PTPN3: variants seen among roughly 807,000 people sequenced by gnomAD.
PTPN3 encodes protein tyrosine phosphatase non-receptor type 3.
In PTPN3, 96 loss-of-function variants were observed where a neutral mutation model predicts 132.7. That is an observed-to-expected ratio of 0.72 (90% CI 0.61 to 0.86). PTPN3 has a LOEUF of 0.86. Ranked by LOEUF, PTPN3 falls within the 40% of genes least tolerant of loss-of-function variation. The pLI, the probability that PTPN3 is intolerant of heterozygous loss-of-function variation, is 0.00. For synonymous variants in PTPN3, 398 were observed against 429.0 expected, an observed-to-expected ratio of 0.93 and a Z score of 0.89; for missense variants, 1,125 against 1,159.6, an observed-to-expected ratio of 0.97 and a Z score of 0.43.
the PTPN3 span, among the ~76,000 whole-genome samples, chr9:109,512,889 C>T: frequency 6.6e-6 from 1 of 152,210 alleles, no homozygotes; most frequent in East Asian, 1.9e-4. Context: ...TTCCCCTGGT[C>T]CTTTTCCCTC....
At chr9:109,536,627 A>C in the PTPN3 span, among the ~76,000 whole-genome samples, 1 of 152,206 alleles carries the variant, frequency 6.6e-6, no homozygotes, top group African/African-American at 2.4e-5. Context: ...GATGGGTTAC[A>C]CACAGCTTTA....
chr9:109,450,430 T>C (rs955410366), intron 5 of PTPN3: 9 of 984,218 alleles, frequency 9.1e-6, no homozygotes, highest in South Asian at 9.4e-5. Context: ...CGGGCTTTCA[T>C]TGACAAGCTC....
chr9:109,417,787 A>G (rs1231713798), intron 14 of PTPN3: 2 of 985,234 alleles, frequency 2.0e-6, no homozygotes, highest in African/African-American at 3.5e-5. Flanking sequence ...TGCACCTGGT[A>G]AAACCCCACA....
intron 19 of PTPN3, among the ~76,000 whole-genome samples, chr9:109,393,545 C>T (rs114103648): frequency 4.6e-5 from 7 of 151,860 alleles, no homozygotes; most frequent in African/African-American, 1.7e-4. Flanking sequence ...CATCACCACA[C>T]CTGCTTAATT....
chr9:109,447,765 C>A (rs1040327374), intron 6 of PTPN3, among the ~76,000 whole-genome samples: 16 of 152,194 alleles, frequency 1.1e-4, no homozygotes, highest in Admixed American at 5.2e-4. Flanking sequence ...CCAGTCTTCC[C>A]TTGTGCACAA....
the PTPN3 span, among the ~76,000 whole-genome samples, chr9:109,506,133 C>T: frequency 6.6e-6 from 1 of 152,284 alleles, no homozygotes; most frequent in African/African-American, 2.4e-5. Flanking sequence ...GGGCATGCCC[C>T]AACCACATAT....
intron 1 of PTPN3, among the ~76,000 whole-genome samples, chr9:109,474,153 C>T (rs1846521396): frequency 6.6e-6 from 1 of 152,100 alleles, no homozygotes; most frequent in Non-Finnish European, 1.5e-5. Flanking sequence ...GCCAGCAAAC[C>T]TGCCTCCTGG....
At chr9:109,404,825 G>C (rs1841428789) in intron 18 of PTPN3, among the ~76,000 whole-genome samples, 1 of 152,116 alleles carries the variant, frequency 6.6e-6, no homozygotes, top group Non-Finnish European at 1.5e-5. Context: ...TAATCTTCCT[G>C]GTTAGTTTTA....
At chr9:109,406,365 A>G in intron 18 of PTPN3, 97 bp downstream of exon 18, 1 of 1,382,608 alleles carries the variant, frequency 7.2e-7, no homozygotes, top group Non-Finnish European at 9.9e-7. Context: ...AATGTTGGCT[A>G]CAAACTCAAC....
intron 14 of PTPN3, among the ~76,000 whole-genome samples, chr9:109,416,135 T>C (rs1842468484): frequency 6.6e-6 from 1 of 152,116 alleles, no homozygotes. Flanking sequence ...ACATTGGAAT[T>C]GTCTATCTTA....
rs552771158 is a variant in PTPN3 at position 109,386,246 on chromosome 9, G to A, written c.2254-2695C>T. ...GGAAAAGGGAGGAAATATGCACCCT[G>A]GATTTCAGAAGAACAGGATTCTAAC... On this transcript the variant is annotated intron_variant, in intron 22 of 25. Coordinates refer to ENST00000374541, the MANE Select transcript of PTPN3 (RefSeq NM_002829.4). Among the ~76,000 whole-genome samples the A allele has an allele frequency of 9.9e-5, 15 of 152,246 alleles. No homozygotes were observed. In the South Asian group the frequency reaches 3.1e-3, roughly 32 times the overall value.
chr9:109,487,759 G>T (rs1847278180), intron 1 of PTPN3, among the ~76,000 whole-genome samples: 1 of 152,210 alleles, frequency 6.6e-6, no homozygotes, highest in Admixed American at 6.5e-5. Flanking sequence ...TATAGTCAGA[G>T]AAATGCCAAA....
At chr9:109,493,656 T>C (rs925614055) in intron 1 of PTPN3, among the ~76,000 whole-genome samples, 1 of 152,206 alleles carries the variant, frequency 6.6e-6, no homozygotes, top group East Asian at 1.9e-4. Flanking sequence ...ACACATTCTT[T>C]TTTCACACTA....
chr9:109,477,880 A>C (rs1013837079), intron 1 of PTPN3, among the ~76,000 whole-genome samples: 1 of 152,242 alleles, frequency 6.6e-6, no homozygotes, highest in African/African-American at 2.4e-5. Flanking sequence ...GCTTCTCAGC[A>C]AACTAGAGCT....
At chr9:109,508,553 T>G in the PTPN3 span, among the ~76,000 whole-genome samples, 2 of 152,188 alleles carry the variant, frequency 1.3e-5, no homozygotes, top group Admixed American at 1.3e-4. Context: ...CTGAAGCCAT[T>G]TAGGCTGTGA....
the PTPN3 span, among the ~76,000 whole-genome samples, chr9:109,530,611 T>C: frequency 6.6e-6 from 1 of 152,240 alleles, no homozygotes; most frequent in Non-Finnish European, 1.5e-5. Flanking sequence ...GGCAATTCTG[T>C]TTTTAATTCC....
the PTPN3 span, among the ~76,000 whole-genome samples, chr9:109,506,578 C>T: frequency 7.0e-6 from 1 of 142,682 alleles, no homozygotes; most frequent in Non-Finnish European, 1.5e-5. Context: ...CTTCCTTCCT[C>T]TCTCTCTCTT....
chr9:109,380,948 C>T (rs1839024291), intron 25 of PTPN3, among the ~76,000 whole-genome samples: 1 of 152,126 alleles, frequency 6.6e-6, no homozygotes, highest in Non-Finnish European at 1.5e-5. Context: ...CTCACCGCTG[C>T]TGACACTTAG....
intron 1 of PTPN3, among the ~76,000 whole-genome samples, chr9:109,485,819 T>G (rs553622444): frequency 2.2e-4 from 33 of 152,194 alleles, no homozygotes; most frequent in Non-Finnish European, 4.6e-4. Context: ...AGGAAAAACA[T>G]TCTCAAGATC....
Sources: gnomAD v4.1 joint callset for allele counts (sites outside exome capture counted in the v4.1 genomes callset) on GRCh38, gnomAD v4.1.1 for gene constraint, MANE v1.5 for transcripts, NCBI Gene and HGNC (gene_info 2026-07-23, HGNC 2026-07-21) for gene names.